Variants in HNF1B observed in about 807,000 individuals in gnomAD.
The protein encoded by HNF1B is HNF1 homeobox B.
A neutral mutation model predicts 61.7 loss-of-function variants in HNF1B; 8 were observed. That is an observed-to-expected ratio of 0.13 (90% CI 0.08 to 0.23). The LOEUF (loss-of-function observed/expected upper bound fraction) is 0.23, where lower values mean the gene tolerates loss of function less well. Ranked by LOEUF, HNF1B falls within the 10% of genes least tolerant of loss-of-function variation. The pLI, the probability that HNF1B is intolerant of heterozygous loss-of-function variation, is 1.00. For missense variants in HNF1B, 562 were observed against 714.5 expected, an observed-to-expected ratio of 0.79 and a Z score of 2.43; for synonymous variants, 314 against 287.7, an observed-to-expected ratio of 1.09 and a Z score of -0.93.
intron 6 of HNF1B, 104 bp downstream of exon 6, chr17:37,704,813 T>C (rs2032686158): frequency 5.6e-6 from 7 of 1,257,764 alleles, no homozygotes; most frequent in Admixed American, 1.7e-5. Context: ...CTACTAGTCG[T>C]GGGTGAGTTT....
At chr17:37,741,177 A>G (rs970412680) in intron 1 of HNF1B, among the ~76,000 whole-genome samples, 3 of 152,212 alleles carry the variant, frequency 2.0e-5, no homozygotes, top group Admixed American at 6.5e-5. Context: ...TTGCAACATA[A>G]TAAGCAATTT....
intron 8 of HNF1B, among the ~76,000 whole-genome samples, chr17:37,691,840 T>C (rs918597548): frequency 7.2e-5 from 11 of 152,230 alleles, no homozygotes; most frequent in South Asian, 4.1e-4. Flanking sequence ...GGGAGAGGAA[T>C]AGCCGAAGGG....
chr17:37,692,962 G>T (rs1047085385), intron 8 of HNF1B, among the ~76,000 whole-genome samples: 25 of 151,992 alleles, frequency 1.6e-4, no homozygotes, highest in Non-Finnish European at 2.9e-4. Context: ...AGGCAGAGGC[G>T]GGCAGATCAC....
chr17:37,738,847 C>T (rs2033908451), intron 2 of HNF1B, among the ~76,000 whole-genome samples: 1 of 152,128 alleles, frequency 6.6e-6, no homozygotes, highest in Admixed American at 6.5e-5. Context: ...TGAGCAGGGC[C>T]ACCAGCTGAG....
intron 8 of HNF1B, among the ~76,000 whole-genome samples, chr17:37,693,432 G>A (rs918887090): frequency 8.5e-5 from 13 of 152,274 alleles, no homozygotes; most frequent in Admixed American, 3.9e-4. Flanking sequence ...ACCAGGGGGT[G>A]ATGAAGCTGA....
At chr17:37,693,018 G>A (rs888550977) in intron 8 of HNF1B, among the ~76,000 whole-genome samples, 2 of 151,750 alleles carry the variant, frequency 1.3e-5, no homozygotes, top group Admixed American at 6.6e-5. Context: ...GTGAAACCCC[G>A]TCTCTACTAA....
chr17:37,722,723 G>GC (rs1273732810), intron 4 of HNF1B, among the ~76,000 whole-genome samples: 9 of 152,282 alleles, frequency 5.9e-5, no homozygotes, highest in Admixed American at 4.6e-4. Flanking sequence ...CTGAACTCAC[G>GC]CAAGTGTGCT....
chr17:37,731,101 A>G, intron 4 of HNF1B: 1 of 207,002 alleles, frequency 4.8e-6, no homozygotes, highest in South Asian at 8.6e-5. Context: ...AGCAGAGGCC[A>G]CCAACAGAGT....
chr17:37,708,856 G>T lies in HNF1B; in HGVS notation c.1206+1647C>A, dbSNP rs148495770. On this transcript the variant is annotated intron_variant, in intron 5 of 8. Coordinates refer to ENST00000617811, the MANE Select transcript of HNF1B (RefSeq NM_000458.4). ...AAGCAGCTCAGGTCCTCTGAAACCA[G>T]AATTGGCCGGGTCAGTGCTCCCCTC... Among the ~76,000 whole-genome samples the T allele has an allele frequency of 4.4e-3, 670 of 152,310 alleles. 2 individuals carry two copies. Among genetic ancestry groups the T allele is most frequent in the Non-Finnish European group, 6.9e-3 (470 of 68,024 alleles).
chr17:37,716,442 G>A (rs1362785580), intron 4 of HNF1B, among the ~76,000 whole-genome samples: 2 of 151,958 alleles, frequency 1.3e-5, no homozygotes, highest in Admixed American at 6.6e-5. Context: ...CAAGTGATCC[G>A]CCCGCCTCAG....
intron 1 of HNF1B, 70 bp from the exon 2 acceptor site, chr17:37,739,709 G>T: frequency 7.4e-7 from 1 of 1,356,606 alleles, no homozygotes; most frequent in Non-Finnish European, 1.0e-6. Flanking sequence ...TTTTCTAGGG[G>T]GTGCTACCTA....
chr17:37,741,014 G>A (rs1206399437), intron 1 of HNF1B, among the ~76,000 whole-genome samples: 2 of 152,102 alleles, frequency 1.3e-5, no homozygotes, highest in Admixed American at 1.3e-4. Flanking sequence ...TTTATTTAAT[G>A]CAGGTACATA....
chr17:37,695,251 C>T (rs1458032981), intron 8 of HNF1B, among the ~76,000 whole-genome samples: 1 of 152,216 alleles, frequency 6.6e-6, no homozygotes, highest in Non-Finnish European at 1.5e-5. Flanking sequence ...CAGACCACCA[C>T]TCTAGAGGGT....
At chr17:37,732,136 G>T (rs1193677208) in intron 3 of HNF1B, among the ~76,000 whole-genome samples, 1 of 152,188 alleles carries the variant, frequency 6.6e-6, no homozygotes, top group East Asian at 1.9e-4. Flanking sequence ...CAGTCCAGGG[G>T]AAGGTCCAGA....
At chr17:37,723,304 G>A (rs552801496) in intron 4 of HNF1B, among the ~76,000 whole-genome samples, 32 of 151,742 alleles carry the variant, frequency 2.1e-4, no homozygotes, top group Non-Finnish European at 3.8e-4. Context: ...CCGAGATCGC[G>A]CCACTGCACT....
chr17:37,720,477 C>A (rs545256205), intron 4 of HNF1B, among the ~76,000 whole-genome samples: 1 of 151,750 alleles, frequency 6.6e-6, no homozygotes, highest in South Asian at 2.1e-4. Flanking sequence ...GACACTGTTT[C>A]TAGAGAAGAG....
intron 4 of HNF1B, chr17:37,731,242 A>G: frequency 2.3e-6 from 1 of 431,792 alleles, no homozygotes; most frequent in Non-Finnish European, 4.3e-6. Flanking sequence ...CGCCATCACG[A>G]CCCGTTTGCC....
At chr17:37,716,494 C>T (rs1006277995) in intron 4 of HNF1B, among the ~76,000 whole-genome samples, 4 of 152,202 alleles carry the variant, frequency 2.6e-5, no homozygotes, top group Non-Finnish European at 4.4e-5. Flanking sequence ...CCACTGCGCC[C>T]GGCCTCAAGT....
chr17:37,692,015 G>A (rs904124729), intron 8 of HNF1B, among the ~76,000 whole-genome samples: 1 of 152,232 alleles, frequency 6.6e-6, no homozygotes, highest in Admixed American at 6.5e-5. Flanking sequence ...TGTTCTAACT[G>A]AGGTCAGTGG....
Sources: gnomAD v4.1 joint callset for allele counts (sites outside exome capture counted in the v4.1 genomes callset) on GRCh38, gnomAD v4.1.1 for gene constraint, MANE v1.5 for transcripts, NCBI Gene and HGNC (gene_info 2026-07-23, HGNC 2026-07-21) for gene names.